Variants in ASXL3 observed in about 807,000 individuals in gnomAD.
ASXL3 encodes ASXL transcriptional regulator 3, also known as putative Polycomb group protein ASXL3.
A neutral mutation model predicts 170.6 loss-of-function variants in ASXL3; 34 were observed. The observed-to-expected ratio is 0.20, with a 90% CI of 0.15 to 0.27. The LOEUF is 0.27. Ranked by LOEUF, ASXL3 falls within the 10% of genes least tolerant of loss-of-function variation. The pLI is 1.00. For missense variants in ASXL3, 2,592 were observed against 2,695.3 expected (o/e 0.96, Z 0.85); for synonymous variants, 1,002 against 989.1 (o/e 1.01, Z -0.24).
intron 6 of ASXL3, among the ~76,000 whole-genome samples, chr18:33,671,113 CA>C (rs986293883): frequency 4.6e-5 from 7 of 152,022 alleles, no homozygotes; most frequent in Admixed American, 4.6e-4. Context: ...AAGGGTGGAC[CA>C]CATGCTGATG....
chr18:33,739,166 A>C lies in ASXL3; in HGVS notation c.1762A>C (p.Ile588Leu). The change falls in exon 11 of 12, where the codon ATT (isoleucine) becomes CTT (leucine). Residue 588 changes from isoleucine (I) to leucine (L), a missense_variant. Around this residue, in one of 4 missense-constraint regions of ASXL3, gnomAD observed 2,246 missense variants for 2,219.6 expected, o/e 1.01. Transcript: ENST00000269197. Reference protein sequence around the residue: ...SLEGQFPNEGIAIDMELQSDP... With the variant: ...SLEGQFPNEGLAIDMELQSDP... ...AGAAGGCCAGTTTCCAAATGAAGGA[A>C]TTGCTATAGATATGGAGCTACAGAG... The C allele has an allele frequency of 6.2e-7, 1 of 1,613,798 alleles. No individual in the cohort carries two copies. The highest frequency in any genetic ancestry group is 8.5e-7 in the Non-Finnish European group (1 of 1,179,800).
intron 2 of ASXL3, among the ~76,000 whole-genome samples, chr18:33,638,001 A>G (rs555137331): frequency 5.9e-5 from 9 of 152,184 alleles, no homozygotes; most frequent in African/African-American, 1.9e-4. Context: ...ACATACATAA[A>G]TAGAGTGCTC....
chr18:33,734,284 T>G, intron 9 of ASXL3, 26 bp from the exon 10 acceptor site: 1 of 1,505,538 alleles, frequency 6.6e-7, no homozygotes, highest in Non-Finnish European at 9.1e-7. Context: ...CCACATTTAT[T>G]CAATACATTA....
Position 33,744,634 on chromosome 18 carries a change from A to G in ASXL3, c.4786A>G (p.Thr1596Ala). Residue 1596 changes from threonine to alanine, a missense_variant, in exon 12 of 12, where the codon ACC becomes GCC. By Grantham distance (58) the Thr-to-Ala change is moderately conservative (BLOSUM62 0). Around this residue, in one of 4 missense-constraint regions of ASXL3, gnomAD observed 2,246 missense variants for 2,219.6 expected, o/e 1.01. Transcript: ENST00000269197. ...PAPFKSEADT[T>A]CSNQYNPSNR... ...TCCTTTCAAAAGTGAAGCAGACACA[A>G]CCTGTAGCAATCAGTATAACCCAAG... The G allele has an allele frequency of 6.2e-7, 1 of 1,606,782 alleles. No individual in the cohort carries two copies.
intron 8 of ASXL3, among the ~76,000 whole-genome samples, chr18:33,696,200 T>C (rs1220230619): frequency 2.6e-5 from 4 of 151,914 alleles, no homozygotes; most frequent in African/African-American, 9.7e-5. Flanking sequence ...CTCCTAGTAG[T>C]TATTATACCC....
intron 2 of ASXL3, among the ~76,000 whole-genome samples, chr18:33,633,307 T>C (rs983234150): frequency 6.6e-6 from 1 of 152,220 alleles, no homozygotes; most frequent in Non-Finnish European, 1.5e-5. Context: ...GTAGCACTTT[T>C]TTCATGGATG....
intron 2 of ASXL3, among the ~76,000 whole-genome samples, chr18:33,616,007 CAT>C (rs1568280557): frequency 1.3e-5 from 2 of 152,030 alleles, no homozygotes; most frequent in African/African-American, 4.8e-5. Context: ...TTAAATAAGT[CAT>C]AGTCTGCACA....
chr18:33,617,918 T>G (rs2065451946), intron 2 of ASXL3, among the ~76,000 whole-genome samples: 1 of 152,154 alleles, frequency 6.6e-6, no homozygotes, highest in Middle Eastern at 3.2e-3. Flanking sequence ...GATGATTTTA[T>G]TTAATTTTTT....
At chr18:33,615,633 C>G (rs2065410776) in intron 2 of ASXL3, among the ~76,000 whole-genome samples, 1 of 152,074 alleles carries the variant, frequency 6.6e-6, no homozygotes, top group Non-Finnish European at 1.5e-5. Context: ...GTGAAACACA[C>G]AAAACATGAA....
At chr18:33,633,879 T>A (rs1309336753) in intron 2 of ASXL3, among the ~76,000 whole-genome samples, 2 of 146,710 alleles carry the variant, frequency 1.4e-5, no homozygotes, top group Admixed American at 7.8e-5. Flanking sequence ...AAGTAACAAT[T>A]AATAAAGTAA....
chr18:33,717,477 A>T (rs967300221), intron 8 of ASXL3, among the ~76,000 whole-genome samples: 2 of 152,172 alleles, frequency 1.3e-5, no homozygotes, highest in Admixed American at 1.3e-4. Context: ...ATATAACAGC[A>T]TTGCAAGTAT....
intron 7 of ASXL3, among the ~76,000 whole-genome samples, chr18:33,680,081 C>A (rs1264668636): frequency 5.3e-5 from 8 of 151,746 alleles, no homozygotes; most frequent in Non-Finnish European, 1.0e-4. Flanking sequence ...CTTTAATTTT[C>A]AATTTTTTTC....
chr18:33,723,085 G>T lies in ASXL3; in HGVS notation c.880-8883G>T, dbSNP rs566667202. Among the ~76,000 whole-genome samples the T allele has an allele frequency of 3.3e-5, 5 of 152,166 alleles. No individual in the cohort carries two copies. In the South Asian group the frequency reaches 1.0e-3, roughly 31 times the overall value. ...AATATTACTGCTCATTGACAATGCA[G>T]TGGGGTCACTGAAGAAGCTGACAGA... On this transcript the variant is annotated intron_variant, in intron 8 of 11. Transcript: ENST00000269197.
intron 8 of ASXL3, among the ~76,000 whole-genome samples, chr18:33,693,978 A>T (rs1187291143): frequency 1.3e-5 from 2 of 152,138 alleles, no homozygotes; most frequent in Non-Finnish European, 2.9e-5. Flanking sequence ...TATGTTGATA[A>T]ATGAAGTGTT....
intron 8 of ASXL3, among the ~76,000 whole-genome samples, chr18:33,708,420 C>T (rs1455057778): frequency 6.6e-6 from 1 of 152,174 alleles, no homozygotes; most frequent in African/African-American, 2.4e-5. Context: ...TAAACACACT[C>T]AATGGAACCA....
chr18:33,697,116 T>C (rs569725791), intron 8 of ASXL3, among the ~76,000 whole-genome samples: 1 of 152,134 alleles, frequency 6.6e-6, no homozygotes, highest in Non-Finnish European at 1.5e-5. Context: ...TAGAAAAGAT[T>C]TGGCAGTTTA....
intron 4 of ASXL3, among the ~76,000 whole-genome samples, chr18:33,659,932 T>A (rs1423530733): frequency 6.6e-6 from 1 of 152,166 alleles, no homozygotes; most frequent in Non-Finnish European, 1.5e-5. Flanking sequence ...TTTTTCCTTG[T>A]CGGGGGCTGA....
Position 33,740,116 on chromosome 18 carries a change from C to T in ASXL3, c.2712C>T (p.Asp904=). Residue 904 remains aspartate (D), a synonymous_variant, in exon 11 of 12, where the codon GAC becomes GAT. Transcript: ENST00000269197. ...AGCTTCCATCTGCTAAATTACAGGACAAGCAATATATCTCATCAGTGGATA... is the reference window on the plus strand; with the variant it reads ...AGCTTCCATCTGCTAAATTACAGGATAAGCAATATATCTCATCAGTGGATA... ...GNELPSAKLQ[D]KQYISSVDKA... The T allele has an allele frequency of 6.2e-7, 1 of 1,613,842 alleles. No individual in the cohort carries two copies. Among genetic ancestry groups the T allele is most frequent in the Non-Finnish European group, 8.5e-7 (1 of 1,179,820 alleles).
chr18:33,740,882 T>C (rs1405418041), intron 11 of ASXL3, among the ~76,000 whole-genome samples: 1 of 152,264 alleles, frequency 6.6e-6, no homozygotes, highest in African/African-American at 2.4e-5. Context: ...TTGATGCTTT[T>C]ATCTAAGTGC....
Sources: gnomAD v4.1 joint callset for allele counts (sites outside exome capture counted in the v4.1 genomes callset) on GRCh38, gnomAD v4.1.1 for gene constraint, gnomAD v4.1.1 regional missense constraint, MANE v1.5 for transcripts, NCBI Gene and HGNC (gene_info 2026-07-23, HGNC 2026-07-21) for gene names.